DECR1: variants seen among roughly 807,000 people sequenced by gnomAD.
The protein encoded by DECR1 is 2,4-dienoyl-CoA reductase [(3E)-enoyl-CoA-producing], mitochondrial.
In DECR1, 44 loss-of-function variants were observed where a neutral mutation model predicts 38.8. That is an observed-to-expected ratio of 1.13 (90% CI 0.89 to 1.46). The LOEUF is 1.46. Among genes scored for constraint, DECR1 ranks in the 40% most tolerant of loss-of-function variants. The pLI is 0.00. For missense variants in DECR1, 428 were observed against 405.5 expected (o/e 1.06, Z -0.48); for synonymous variants, 148 against 135.2 (o/e 1.09, Z -0.66).
At chr8:90,044,137 C>T (rs1563654973) in intron 7 of DECR1, among the ~76,000 whole-genome samples, 1 of 152,084 alleles carries the variant, frequency 6.6e-6, no homozygotes, top group Non-Finnish European at 1.5e-5. Flanking sequence ...GGACTGGGAC[C>T]AGTTGCAACC....
At chr8:90,008,733 T>C (rs1049886457) in intron 1 of DECR1, among the ~76,000 whole-genome samples, 1 of 152,130 alleles carries the variant, frequency 6.6e-6, no homozygotes, top group Non-Finnish European at 1.5e-5. Context: ...AAATATCACA[T>C]GTACCCCATA....
At chr8:90,006,147 G>T in intron 1 of DECR1, 1 of 698,482 alleles carries the variant, frequency 1.4e-6, no homozygotes, top group South Asian at 1.5e-5. Context: ...AGTTTTCAAG[G>T]GACAAACATC....
At chr8:90,004,633 C>A (rs1812696798) in intron 1 of DECR1, among the ~76,000 whole-genome samples, 1 of 152,094 alleles carries the variant, frequency 6.6e-6, no homozygotes, top group South Asian at 2.1e-4. Context: ...AGTATAAAAC[C>A]AACTAGATGT....
intron 8 of DECR1, among the ~76,000 whole-genome samples, chr8:90,046,792 T>C (rs1369538382): frequency 6.6e-6 from 1 of 152,138 alleles, no homozygotes; most frequent in Non-Finnish European, 1.5e-5. Context: ...GAGAGAAAGG[T>C]CAGGTTACCC....
rs374823507 is a variant in DECR1 at position 90,001,508 on chromosome 8, A to T, written c.16A>T (p.Arg6Trp). ...GAGACTCAACATGAAGCTACCGGCC[A>T]GGGTTTTCTTTACTCTGGGGTCCCG... MKLPA[R>W]VFFTLGSRLP... The change falls in exon 1 of 10, where the codon AGG (arginine) becomes TGG (tryptophan). Residue 6 changes from arginine (R) to tryptophan (W), a missense_variant. By Grantham distance (101) the Arg-to-Trp change is moderately radical (BLOSUM62 -3). Coordinates refer to ENST00000220764, the MANE Select transcript of DECR1 (RefSeq NM_001359.2). The T allele has an allele frequency of 1.9e-5, 30 of 1,614,008 alleles. No individual in the cohort carries two copies. The Admixed American group carries it at 4.8e-4, about 26-fold the overall frequency.
chr8:90,019,166 T>C lies in DECR1; in HGVS notation c.411T>C (p.His137=), dbSNP rs1297066660. 1.2e-6 allele frequency: 2 copies of C among 1,613,714 alleles called. No individual in the cohort carries two copies. The highest frequency in any genetic ancestry group is 1.7e-6 in the Non-Finnish European group (2 of 1,179,744). The change falls in exon 4 of 10, where the codon CAT becomes CAC. Residue 137 remains histidine (H), a synonymous_variant. Coordinates refer to ENST00000220764, the MANE Select transcript of DECR1 (RefSeq NM_001359.2). ...CAGAACTGATCAAAGTTGCAGGACA[T>C]CCTAATGTAAGTGTAGCAATGATGA... ...TVSELIKVAG[H]PNIVINNAAG...
rs528814394 is a variant in DECR1, at chr8:90,043,409, ATGT to A, written c.738+614_738+616del. Among the ~76,000 whole-genome samples the A allele has an allele frequency of 2.2e-4, 34 of 152,300 alleles. No individual in the cohort carries two copies. In the South Asian group the frequency reaches 7.0e-3, roughly 32 times the overall value. On this transcript the variant is annotated intron_variant, in intron 7 of 9. Coordinates refer to ENST00000220764, the MANE Select transcript of DECR1 (RefSeq NM_001359.2). ...TCATTGCAACTTGTAATTATCTCTA[ATGT>A]TGTTACAGATGTTGCTCAGAATATC...
chr8:90,005,319 A>C (rs1428535883), intron 1 of DECR1: 1 of 456,236 alleles, frequency 2.2e-6, no homozygotes, highest in Non-Finnish European at 4.4e-6. Context: ...TGAAGGTGAG[A>C]AGAAGAGCTG....
chr8:90,003,611 T>A (rs888582306), intron 1 of DECR1, among the ~76,000 whole-genome samples: 2 of 152,218 alleles, frequency 1.3e-5, no homozygotes, highest in Non-Finnish European at 2.9e-5. Context: ...GCCTTCAATG[T>A]ACTATAGTCT....
At chr8:90,006,339 T>C (rs1812739955) in intron 1 of DECR1, 1 of 703,826 alleles carries the variant, frequency 1.4e-6, no homozygotes, top group Admixed American at 2.0e-5. Flanking sequence ...ACCTGAAAGA[T>C]GAGTAGGAGT....
chr8:90,017,339 CAT>C lies in DECR1; in HGVS notation c.272+14_272+15del. Reference sequence around the variant, plus strand: ...TGATAGCCAGCCGGTAAGTCCCTTACATCAAGCCTATTGGCGACGCTTTTGAA... The same window carrying C: ...TGATAGCCAGCCGGTAAGTCCCTTACCAAGCCTATTGGCGACGCTTTTGAA... On this transcript the variant is annotated intron_variant, in intron 2 of 9. Transcript: ENST00000220764. 1 of 1,607,736 alleles carries C rather than the reference CAT, an allele frequency of 6.2e-7. No homozygotes were observed. The highest frequency in any genetic ancestry group is 8.5e-7 in the Non-Finnish European group (1 of 1,176,616).
chr8:90,026,268 CT>C (rs987553319), intron 5 of DECR1, among the ~76,000 whole-genome samples: 19 of 152,158 alleles, frequency 1.2e-4, no homozygotes, highest in Admixed American at 3.9e-4. Context: ...CCCTCTTTTT[CT>C]ATTGATTGGA....
At chr8:90,038,188 T>C (rs1813660048) in intron 6 of DECR1, among the ~76,000 whole-genome samples, 1 of 152,212 alleles carries the variant, frequency 6.6e-6, no homozygotes, top group Non-Finnish European at 1.5e-5. Flanking sequence ...ATTTCCATGC[T>C]TTAATTTCCA....
intron 1 of DECR1, among the ~76,000 whole-genome samples, chr8:90,012,768 C>T (rs952154242): frequency 8.5e-5 from 13 of 152,152 alleles, no homozygotes; most frequent in African/African-American, 2.9e-4. Context: ...TGTGGCAACT[C>T]CTTAGCAGGC....
chr8:90,038,759 CT>C (rs548356589), intron 6 of DECR1, among the ~76,000 whole-genome samples: 3 of 152,134 alleles, frequency 2.0e-5, no homozygotes, highest in South Asian at 2.1e-4. Context: ...TGGTACTCTT[CT>C]TTTAGTAGTC....
intron 9 of DECR1, 49 bp downstream of exon 9, chr8:90,051,788 C>G: frequency 6.2e-7 from 1 of 1,612,464 alleles, no homozygotes; most frequent in Non-Finnish European, 8.5e-7. Flanking sequence ...GGATACTAAG[C>G]TTTAAAAACA....
At chr8:90,005,314 G>A (rs1812711777) in intron 1 of DECR1, 1 of 456,248 alleles carries the variant, frequency 2.2e-6, no homozygotes, top group African/African-American at 2.0e-5. Flanking sequence ...GGATATGAAG[G>A]TGAGAAGAAG....
chr8:90,005,198 G>A (rs1812709563), intron 1 of DECR1: 1 of 386,444 alleles, frequency 2.6e-6, no homozygotes, highest in African/African-American at 2.1e-5. Context: ...ACAGAGAGAA[G>A]CGTGTGGAGA....
intron 5 of DECR1, among the ~76,000 whole-genome samples, chr8:90,025,476 T>G (rs1189968843): frequency 1.3e-5 from 2 of 152,238 alleles, no homozygotes; most frequent in African/African-American, 4.8e-5. Context: ...TTTATTTTCT[T>G]TGAAGCAATT....
Sources: gnomAD v4.1 joint callset for allele counts (sites outside exome capture counted in the v4.1 genomes callset) on GRCh38, gnomAD v4.1.1 for gene constraint, MANE v1.5 for transcripts, NCBI Gene and HGNC (gene_info 2026-07-23, HGNC 2026-07-21) for gene names.